The following ANXA1 variants were observed in gnomAD, a reference collection of about 807,000 sequenced individuals.
ANXA1 encodes the protein annexin I (lipocortin I).
ANXA1 carries 39 observed loss-of-function variants against 47.9 expected under a neutral mutation model. That is an observed-to-expected ratio of 0.81 (90% confidence interval 0.63 to 1.06). The LOEUF (loss-of-function observed/expected upper bound fraction) is 1.06, where lower values mean the gene tolerates loss of function less well. Ranked by LOEUF, ANXA1 falls within the 50% of genes least tolerant of loss-of-function variation. The probability of loss-of-function intolerance (pLI) is 0.00; values close to 1 mark genes in which losing one functional copy is unlikely to be tolerated. For synonymous variants in ANXA1, 146 were observed against 142.5 expected, an observed-to-expected ratio of 1.02 and a Z score of -0.17; for missense variants, 446 against 422.7, an observed-to-expected ratio of 1.06 and a Z score of -0.48.
At chr9:73,156,199 T>C (rs1824046897) in intron 1 of ANXA1, among the ~76,000 whole-genome samples, 1 of 149,954 alleles carries the variant, frequency 6.7e-6, no homozygotes, top group Non-Finnish European at 1.5e-5. Flanking sequence ...AAACATGTTT[T>C]TATAAGTGAT....
At chr9:73,155,952 T>C (rs1170262382) in intron 1 of ANXA1, among the ~76,000 whole-genome samples, 1 of 146,926 alleles carries the variant, frequency 6.8e-6, no homozygotes, top group Admixed American at 6.7e-5. Context: ...TATTCAAGTA[T>C]TTTTTAGAAG....
chr9:73,170,234 G>T lies in ANXA1; in HGVS notation c.*127G>T. On this transcript the variant is annotated 3_prime_UTR_variant, in exon 13 of 13. Transcript: ENST00000257497. ...AGCTACCTACATGCTGAAAAATATA[G>T]CCTTTAAATCATTTTTATATTATAA... 1.6e-6 allele frequency: 1 copy of T among 619,356 alleles called. No homozygotes were observed. The highest frequency in any genetic ancestry group is 2.6e-6 in the Non-Finnish European group (1 of 380,516). 38.4% of individuals were successfully genotyped at this position (619,356 alleles called of 1,614,324 possible). A position where few individuals can be genotyped will look rare whatever the true frequency, so the allele number is the denominator to read the frequency against.
At chr9:73,162,960 T>G (rs1248392432) in intron 7 of ANXA1, 99 bp downstream of exon 7, 1 of 980,384 alleles carries the variant, frequency 1.0e-6, no homozygotes, top group Non-Finnish European at 1.5e-6. Context: ...GGCTAGGTAA[T>G]TTTTAAAGAT....
intron 1 of ANXA1, chr9:73,154,425 T>TATTTTCTTTTCTTTTTC: frequency 8.6e-7 from 1 of 1,158,318 alleles, no homozygotes; most frequent in Non-Finnish European, 1.2e-6. Context: ...TTTTCTTTTT[T>TATTTTCTTTTCTTTTTC]CTTTTCTTTT....
chr9:73,161,717 C>T (rs1824146027), intron 6 of ANXA1, among the ~76,000 whole-genome samples: 1 of 152,010 alleles, frequency 6.6e-6, no homozygotes. Flanking sequence ...TCATTTTCTG[C>T]AATTCTTATT....
At chr9:73,156,704 G>A (rs1366561385) in intron 1 of ANXA1, among the ~76,000 whole-genome samples, 1 of 152,192 alleles carries the variant, frequency 6.6e-6, no homozygotes, top group Non-Finnish European at 1.5e-5. Flanking sequence ...TGAGGAATCA[G>A]TTTATGGAAT....
intron 8 of ANXA1, among the ~76,000 whole-genome samples, chr9:73,164,105 G>A (rs1338522633): frequency 6.6e-6 from 1 of 151,980 alleles, no homozygotes; most frequent in African/African-American, 2.4e-5. Flanking sequence ...TTTAAAGCCT[G>A]GAATTTCCAT....
At position 73,162,839 on chromosome 9, in the gene ANXA1, A is replaced by G; in HGVS notation, c.533A>G (p.Asn178Ser). The change falls in exon 7 of 13, where the codon AAC becomes AGC. Residue 178 changes from asparagine (N) to serine (S), a missense_variant. Transcript: ENST00000257497. ...ITSDTSGDFR[N>S]ALLSLAKGDR... Reference sequence around the variant, plus strand: ...TCAGACACATCTGGAGATTTTCGGAACGCTTTGCTTTCTCTTGCTAAGGTA... The same window carrying G: ...TCAGACACATCTGGAGATTTTCGGAGCGCTTTGCTTTCTCTTGCTAAGGTA... The G allele has an allele frequency of 6.2e-7, 1 of 1,613,160 alleles. No individual in the cohort carries two copies. Among genetic ancestry groups the G allele is most frequent in the South Asian group, 1.1e-5 (1 of 91,026 alleles).
At position 73,159,800 on chromosome 9, in the gene ANXA1, T is replaced by C. The variant is rs902297263; in HGVS notation, c.270+377T>C. 3.7e-5 allele frequency: 6 copies of C among 160,944 alleles called. No homozygotes were observed. The Admixed American group carries it at 3.8e-4, about 10-fold the overall frequency. 10.0% of individuals were successfully genotyped at this position (160,944 alleles called of 1,614,324 possible). A position where few individuals can be genotyped will look rare whatever the true frequency, so the allele number is the denominator to read the frequency against. On this transcript the variant is annotated intron_variant, in intron 4 of 12. Coordinates refer to ENST00000257497, the MANE Select transcript of ANXA1 (RefSeq NM_000700.3). Reference sequence around the variant, plus strand: ...AATTCTACTTTAAAAATAAGCCTTATGTCTTTTATACCAAATATGAGTAGT... The same window carrying C: ...AATTCTACTTTAAAAATAAGCCTTACGTCTTTTATACCAAATATGAGTAGT...
chr9:73,168,738 G>A (rs1036117639), intron 11 of ANXA1: 5 of 187,294 alleles, frequency 2.7e-5, no homozygotes, highest in African/African-American at 1.2e-4. Context: ...TAGATTTGCA[G>A]TTTAGAAGTT....
At chr9:73,164,474 T>C (rs1022544026) in intron 8 of ANXA1, among the ~76,000 whole-genome samples, 1 of 152,176 alleles carries the variant, frequency 6.6e-6, no homozygotes, top group Non-Finnish European at 1.5e-5. Context: ...TTGCTTTCCA[T>C]TTTAAGACTA....
chr9:73,169,998 T>C (rs1467017783), intron 12 of ANXA1, 53 bp from the exon 13 acceptor site: 2 of 1,354,448 alleles, frequency 1.5e-6, no homozygotes, highest in African/African-American at 3.0e-5. Flanking sequence ...TAAAAAAAAA[T>C]AGAGAATTAT....
At chr9:73,165,794 TGCTGTG>T (rs564307661) in intron 9 of ANXA1, among the ~76,000 whole-genome samples, 123 of 152,246 alleles carry the variant, frequency 8.1e-4, no homozygotes, top group African/African-American at 2.7e-3. Flanking sequence ...AAGATCCATT[TGCTGTG>T]GCTCTTAGAA....
rs1824300910 is a variant in ANXA1 at position 73,170,215 on chromosome 9, C to T, written c.*108C>T. On this transcript the variant is annotated 3_prime_UTR_variant, in exon 13 of 13. Transcript: ENST00000257497. Reference sequence around the variant, plus strand: ...TTCAACAGGATTACAGTGTAGCTACCTACATGCTGAAAAATATAGCCTTTA... The same window carrying T: ...TTCAACAGGATTACAGTGTAGCTACTTACATGCTGAAAAATATAGCCTTTA... The T allele has an allele frequency of 2.6e-6, 2 of 769,886 alleles. No individual in the cohort carries two copies. Among genetic ancestry groups the T allele is most frequent in the Non-Finnish European group, 4.0e-6 (2 of 499,342 alleles). The allele number at this position is 769,886 out of a possible 1,614,324, so 47.7% of individuals were successfully genotyped here.
intron 6 of ANXA1, 36 bp downstream of exon 6, chr9:73,160,929 T>C (rs1451833131): frequency 7.2e-7 from 1 of 1,384,110 alleles, no homozygotes; most frequent in Non-Finnish European, 1.0e-6. Flanking sequence ...AACGCCTTAT[T>C]TGAAAAGGAA....
At chr9:73,159,246 G>A in intron 3 of ANXA1, 83 bp from the exon 4 acceptor site, 1 of 1,092,300 alleles carries the variant, frequency 9.2e-7, no homozygotes, top group Admixed American at 1.9e-5. Flanking sequence ...AAGTTCTTTT[G>A]GAGCATCTCA....
intron 1 of ANXA1, among the ~76,000 whole-genome samples, chr9:73,155,256 A>G (rs1824029735): frequency 6.6e-6 from 1 of 152,218 alleles, no homozygotes; most frequent in Non-Finnish European, 1.5e-5. Flanking sequence ...ACTGAAATAA[A>G]CTTAGTTTTA....
chr9:73,170,356 G>A lies in ANXA1; in HGVS notation c.*249G>A, dbSNP rs1824303605. ...TCTAGTAACAATACATGAGAAAGAT[G>A]TCTATGTAGCTGAAAATAAAATGAC... On this transcript the variant is annotated 3_prime_UTR_variant, in exon 13 of 13. Transcript: ENST00000257497. The A allele has an allele frequency of 6.3e-6, 2 of 315,536 alleles. No homozygotes were observed. The highest frequency in any genetic ancestry group is 1.1e-5 in the Non-Finnish European group (2 of 175,074). The allele number at this position is 315,536 out of a possible 1,614,324, so 19.5% of individuals were successfully genotyped here.
intron 1 of ANXA1, among the ~76,000 whole-genome samples, chr9:73,153,910 AG>A (rs1824007557): frequency 6.6e-6 from 1 of 152,186 alleles, no homozygotes; most frequent in Non-Finnish European, 1.5e-5. Context: ...GGGCTGGTGT[AG>A]GGGTGAAGTC....
Sources: allele counts gnomAD v4.1 joint callset (sites outside exome capture counted in the v4.1 genomes callset), GRCh38; gene constraint gnomAD v4.1.1; transcripts MANE v1.5; gene names NCBI Gene and HGNC (gene_info 2026-07-23, HGNC 2026-07-21).